GPATCH2L: variants seen among roughly 807,000 people sequenced by gnomAD.
GPATCH2L encodes G patch domain-containing protein 2-like.
Under a neutral mutation model 57.4 loss-of-function variants are expected in GPATCH2L, and 31 were observed. That is an observed-to-expected ratio of 0.54 (90% CI 0.41 to 0.73). The LOEUF (loss-of-function observed/expected upper bound fraction) is 0.73, where lower values mean the gene tolerates loss of function less well. Among genes scored for constraint, GPATCH2L ranks in the 30% least tolerant of loss-of-function variants. GPATCH2L has a pLI of 0.00. For missense variants in GPATCH2L, 481 were observed against 599.9 expected, an observed-to-expected ratio of 0.80 and a Z score of 2.07; for synonymous variants, 199 against 210.7, an observed-to-expected ratio of 0.94 and a Z score of 0.48.
At position 76,207,462 on chromosome 14, in the gene GPATCH2L, C is replaced by T. The variant is rs886301062; in HGVS notation, c.*5611C>T. 1 of 151,224 alleles carries T rather than the reference C, an allele frequency of 6.6e-6. No individual in the cohort carries two copies. Among genetic ancestry groups the T allele is most frequent in the East Asian group, 1.9e-4 (1 of 5,168 alleles). 9.4% of individuals were successfully genotyped at this position (151,224 alleles called of 1,614,324 possible). The stretch of plus-strand genomic sequence containing the variant: ...ATATTTGTTCATTAGATCTTAGTTT[C>T]AAGGGAAAGTATCATGTATTTTCCA... On this transcript the variant is annotated 3_prime_UTR_variant, in exon 10 of 10. Transcript: ENST00000261530.
At chr14:76,231,518 T>C in intron 2 of GPATCH2L, among the ~76,000 whole-genome samples, 1 of 152,016 alleles carries the variant, frequency 6.6e-6, no homozygotes. Flanking sequence ...ACATTTTTAG[T>C]GACAGAGCCA....
At chr14:76,232,089 T>C (rs2040574401) in intron 2 of GPATCH2L, among the ~76,000 whole-genome samples, 1 of 16,076 alleles carries the variant, frequency 6.2e-5, no homozygotes, top group Non-Finnish European at 2.3e-4. Context: ...TTTTTGTATT[T>C]TTTGTAGCAA....
chr14:76,189,883 C>T (rs2039901212), intron 8 of GPATCH2L, among the ~76,000 whole-genome samples: 1 of 151,886 alleles, frequency 6.6e-6, no homozygotes, highest in Admixed American at 6.6e-5. Context: ...CCTTCTATAC[C>T]CAGTTTTTTG....
At chr14:76,164,612 T>C (rs968234045) in intron 2 of GPATCH2L, among the ~76,000 whole-genome samples, 2 of 151,896 alleles carry the variant, frequency 1.3e-5, no homozygotes, top group Admixed American at 6.6e-5. Flanking sequence ...AATATACAAA[T>C]ATAAAAAAAA....
intron 2 of GPATCH2L, among the ~76,000 whole-genome samples, chr14:76,162,619 G>A (rs1296241016): frequency 6.6e-6 from 1 of 152,068 alleles, no homozygotes; most frequent in African/African-American, 2.4e-5. Flanking sequence ...CTTGTATGAT[G>A]CTAAAGTCAG....
At position 76,154,086 on chromosome 14, in the gene GPATCH2L, T is replaced by C; in HGVS notation, c.-10-268T>C. The stretch of plus-strand genomic sequence containing the variant: ...TTTGGGTCCTGTCCCAGTTGTCTTC[T>C]GGTTAGTAGGTTTTTGTGCTTAAGA... On this transcript the variant is annotated intron_variant, in intron 1 of 9. Transcript: ENST00000261530. This position sits in a 1 kb window ranked among gnomAD's most constrained non-coding sequence, Gnocchi z 4.4. The C allele has an allele frequency of 3.2e-6, 1 of 309,434 alleles. No individual in the cohort carries two copies. Among genetic ancestry groups the C allele is most frequent in the Non-Finnish European group, 6.0e-6 (1 of 167,700 alleles). The allele number at this position is 309,434 out of a possible 1,614,324, so 19.2% of individuals were successfully genotyped here.
chr14:76,179,116 A>G (rs1269715702), intron 7 of GPATCH2L: 4 of 150,890 alleles, frequency 2.7e-5, no homozygotes, highest in Non-Finnish European at 4.4e-5. Flanking sequence ...CACGATCCAC[A>G]TTTTAGACTT....
intron 8 of GPATCH2L, among the ~76,000 whole-genome samples, chr14:76,181,553 C>G (rs2039560791): frequency 6.6e-6 from 1 of 152,072 alleles, no homozygotes; most frequent in Admixed American, 6.5e-5. Flanking sequence ...ATCCCTCAGT[C>G]TCTCCCACTA....
intron 1 of GPATCH2L, among the ~76,000 whole-genome samples, chr14:76,229,291 C>T (rs1468582130): frequency 2.6e-5 from 4 of 152,212 alleles, no homozygotes; most frequent in Non-Finnish European, 5.9e-5. Context: ...CCAGGCCATG[C>T]ATTCACTGTT....
chr14:76,188,094 C>T (rs907842561), intron 8 of GPATCH2L, among the ~76,000 whole-genome samples: 3 of 151,940 alleles, frequency 2.0e-5, no homozygotes, highest in Non-Finnish European at 2.9e-5. Context: ...GTATATGCAC[C>T]ACATTTTCTT....
chr14:76,157,108 G>A lies in GPATCH2L; in HGVS notation c.662+2083G>A, dbSNP rs888651044. Among the ~76,000 whole-genome samples the A allele has an allele frequency of 5.9e-5, 9 of 152,198 alleles. No homozygotes were observed. In the South Asian group the frequency reaches 1.0e-3, roughly 17 times the overall value. ...TTGTAGCTGTGAAGGAATAATGGGC[G>A]GAGTGGTGGCACACACGGCATTGAG... On this transcript the variant is annotated intron_variant, in intron 2 of 9. Coordinates refer to ENST00000261530, the MANE Select transcript of GPATCH2L (RefSeq NM_017926.4).
intron 8 of GPATCH2L, among the ~76,000 whole-genome samples, chr14:76,194,484 A>AGTGTGTGTGTGT (rs59406744): frequency 0.1 from 15,449 of 151,074 alleles, 884 homozygotes; most frequent in Admixed American, 0.15. Flanking sequence ...GAGACATGAA[A>AGTGTGTGTGTGT]GTGTGTGTGT....
At chr14:76,197,592 C>T (rs74067643) in intron 9 of GPATCH2L, among the ~76,000 whole-genome samples, 2,421 of 152,256 alleles carry the variant, frequency 0.016, 48 homozygotes, top group African/African-American at 0.056. Flanking sequence ...TAGCCTGAGT[C>T]TGAGCCATCA....
In GPATCH2L at chr14:76,232,007, G is replaced by GCAGCCTCACTGCAGCCTCACTGCAGC; in HGVS notation, c.*117+2055_*117+2056insAGCCTCACTGCAGCCTCACTGCAGCC. ...CAGCCTCACTGCAGCCTCACTGCAGGCTCAAGCAATCTTCCTGCTTCAGCC... is the reference window on the plus strand; with the variant it reads ...CAGCCTCACTGCAGCCTCACTGCAGGCAGCCTCACTGCAGCCTCACTGCAGCCTCAAGCAATCTTCCTGCTTCAGCC... On this transcript the variant is annotated intron_variant and NMD_transcript_variant, in intron 2 of 3. Transcript: ENST00000556372. Among the ~76,000 whole-genome samples, 117 of 78,342 alleles carry GCAGCCTCACTGCAGCCTCACTGCAGC rather than the reference G, an allele frequency of 1.5e-3. 4 individuals are homozygous for GCAGCCTCACTGCAGCCTCACTGCAGC. The highest frequency in any genetic ancestry group is 6.3e-3 in the African/African-American group (111 of 17,524). The allele number at this position is 78,342 out of a possible 152,430, so 51.4% of individuals were successfully genotyped here.
intron 1 of GPATCH2L, among the ~76,000 whole-genome samples, chr14:76,229,064 C>T (rs80035810): frequency 6.6e-6 from 1 of 152,330 alleles, no homozygotes; most frequent in African/African-American, 2.4e-5. Context: ...CTCAGACATG[C>T]TTTCCATCCA....
rs28563127 is a variant in GPATCH2L at position 76,154,278 on chromosome 14, C to T, written c.-10-76C>T. 2.5e-4 allele frequency: 315 copies of T among 1,257,536 alleles called. No homozygotes were observed. In the African/African-American group the frequency reaches 4.2e-3, roughly 17 times the overall value. The allele number at this position is 1,257,536 out of a possible 1,614,324, so 77.9% of individuals were successfully genotyped here. A position where few individuals can be genotyped will look rare whatever the true frequency, so the allele number is the denominator to read the frequency against. The stretch of plus-strand genomic sequence containing the variant: ...TCTGTTTCATCAAATTATTCCAAAA[C>T]AACAGATCCTTTTTCAGGCTTTCTT... On this transcript the variant is annotated intron_variant, in intron 1 of 9. Coordinates refer to ENST00000261530, the MANE Select transcript of GPATCH2L (RefSeq NM_017926.4). This position sits in a 1 kb window ranked among gnomAD's most constrained non-coding sequence, Gnocchi z 4.4.
At chr14:76,217,690 G>T (rs1018150071), downstream of GPATCH2L, among the ~76,000 whole-genome samples, 5 of 151,946 alleles carry the variant, frequency 3.3e-5, no homozygotes, top group East Asian at 9.7e-4. Context: ...CAGATTAAAG[G>T]CTAATACTCC....
chr14:76,209,909 G>A lies in GPATCH2L; in HGVS notation c.*8058G>A, dbSNP rs2040421228. 6.6e-6 allele frequency: 1 copy of A among 152,202 alleles called. No individual in the cohort carries two copies. The highest frequency in any genetic ancestry group is 2.4e-5 in the African/African-American group (1 of 41,442). 9.4% of individuals were successfully genotyped at this position (152,202 alleles called of 1,614,324 possible). Reference sequence around the variant, plus strand: ...AAGTCAGAATGAGGTTATCTGGAAAGTTGAGCTTCCTCACACATGGGAAGG... The same window carrying A: ...AAGTCAGAATGAGGTTATCTGGAAAATTGAGCTTCCTCACACATGGGAAGG... On this transcript the variant is annotated 3_prime_UTR_variant, in exon 10 of 10. Coordinates refer to ENST00000261530, the MANE Select transcript of GPATCH2L (RefSeq NM_017926.4).
intron 1 of GPATCH2L, among the ~76,000 whole-genome samples, chr14:76,223,807 G>GC (rs761026941): frequency 3.9e-5 from 6 of 152,094 alleles, no homozygotes; most frequent in Non-Finnish European, 7.4e-5. Flanking sequence ...GAAGATGTAG[G>GC]CATGGCCAAC....
Sources: gnomAD v4.1 joint callset for allele counts (sites outside exome capture counted in the v4.1 genomes callset) on GRCh38, gnomAD v4.1.1 for gene constraint, Gnocchi (gnomAD v3.1) non-coding constraint, MANE v1.5 for transcripts, NCBI Gene and HGNC (gene_info 2026-07-23, HGNC 2026-07-21) for gene names.